The following GMDS variants were observed in gnomAD, a reference collection of about 807,000 sequenced individuals.
GMDS encodes GDP-mannose 4,6 dehydratase.
GMDS carries 20 observed loss-of-function variants against 49.9 expected under a neutral mutation model. That is an observed-to-expected ratio of 0.40 (90% CI 0.28 to 0.58). GMDS has a LOEUF of 0.58. GMDS is among the 20% of genes least tolerant of loss of function. GMDS has a pLI of 0.42. For synonymous variants in GMDS, 177 were observed against 178.6 expected (o/e 0.99, Z 0.07); for missense variants, 362 against 481.4 (o/e 0.75, Z 2.32).
At chr6:1,694,616 C>T (rs1000357929) in intron 9 of GMDS, among the ~76,000 whole-genome samples, 5 of 152,202 alleles carry the variant, frequency 3.3e-5, no homozygotes, top group African/African-American at 1.2e-4. Flanking sequence ...CGTCTGCACA[C>T]ATGTATATGC....
intron 4 of GMDS, among the ~76,000 whole-genome samples, chr6:2,048,021 A>T (rs562478853): frequency 6.6e-6 from 1 of 152,308 alleles, no homozygotes; most frequent in East Asian, 1.9e-4. Context: ...AGCACTAAAA[A>T]ATGTATGGTG....
chr6:2,207,629 G>C (rs1343783381), intron 1 of GMDS, among the ~76,000 whole-genome samples: 1 of 151,910 alleles, frequency 6.6e-6, no homozygotes, highest in East Asian at 1.9e-4. Context: ...TTCCTAGGAC[G>C]GTTTTGTTCC....
chr6:2,201,236 T>C (rs1484474729), intron 1 of GMDS, among the ~76,000 whole-genome samples: 1 of 115,314 alleles, frequency 8.7e-6, no homozygotes, highest in African/African-American at 3.4e-5. Context: ...GTAACAACCA[T>C]CTAGGCAGTG....
rs115480267 is a variant in GMDS, at chr6:1,833,336, T to A, written c.772-90750A>T. Among the ~76,000 whole-genome samples the A allele has an allele frequency of 7.5e-3, 1,144 of 151,716 alleles. 14 individuals carry two copies. Among genetic ancestry groups the A allele is most frequent in the African/African-American group, 0.025 (1,036 of 41,344 alleles). On this transcript the variant is annotated intron_variant, in intron 7 of 10. Transcript: ENST00000380815. The surrounding 1 kb of genome is among the most constrained non-coding windows in gnomAD (Gnocchi z 4.4). ...ATCAAATGTCCTCCCTTCCTTCATA[T>A]GGAAAGCTCATCTCGGAGGTGTCAG...
intron 9 of GMDS, among the ~76,000 whole-genome samples, chr6:1,674,560 CTTTTTTT>C (rs869292549): frequency 5.1e-3 from 371 of 73,442 alleles, no homozygotes; most frequent in African/African-American, 0.022. Context: ...CTCTCTCTCT[CTTTTTTT>C]TTTTTTTTTT....
At chr6:2,244,469 A>G (rs1399324302) in intron 1 of GMDS, among the ~76,000 whole-genome samples, 1 of 152,098 alleles carries the variant, frequency 6.6e-6, no homozygotes, top group East Asian at 1.9e-4. Flanking sequence ...TTCTACAGCA[A>G]TATGTGGGCA....
intron 4 of GMDS, among the ~76,000 whole-genome samples, chr6:2,053,628 G>A (rs1770598286): frequency 6.6e-6 from 1 of 151,966 alleles, no homozygotes; most frequent in Admixed American, 6.6e-5. Flanking sequence ...TGAGAAAATT[G>A]TAGAAGAGTG....
At chr6:1,630,611 A>G (rs920998816) in intron 9 of GMDS, among the ~76,000 whole-genome samples, 1 of 152,238 alleles carries the variant, frequency 6.6e-6, no homozygotes. Context: ...GCCTACTCAT[A>G]GGTAGGTGTC....
At chr6:2,170,745 C>A (rs887534701) in intron 1 of GMDS, among the ~76,000 whole-genome samples, 1 of 152,112 alleles carries the variant, frequency 6.6e-6, no homozygotes, top group Admixed American at 6.5e-5. Context: ...CCTGTAATCC[C>A]AGCACTTTGG....
chr6:1,909,134 C>T (rs1394695283), intron 7 of GMDS, among the ~76,000 whole-genome samples: 2 of 152,162 alleles, frequency 1.3e-5, no homozygotes, highest in African/African-American at 2.4e-5. Context: ...GCATATCATA[C>T]ATCTTGATGA....
At chr6:1,821,870 G>A (rs1361063279) in intron 7 of GMDS, among the ~76,000 whole-genome samples, 3 of 151,954 alleles carry the variant, frequency 2.0e-5, no homozygotes. Context: ...CGCCAATTCT[G>A]CATGCACATC....
Position 2,220,139 on chromosome 6 carries a change from A to AG in GMDS, c.102+25181dup, listed in dbSNP as rs558600078. ...TGTAAGACAAAAATCATGGCTAATG[A>AG]GGCAGATGACTCCGGAGGAAACATC... On this transcript the variant is annotated intron_variant, in intron 1 of 10. Transcript: ENST00000380815. Among the ~76,000 whole-genome samples the AG allele has an allele frequency of 2.0e-3, 301 of 152,382 alleles. 2 individuals are homozygous for AG. Among genetic ancestry groups the AG allele is most frequent in the African/African-American group, 7.0e-3 (290 of 41,584 alleles).
intron 1 of GMDS, among the ~76,000 whole-genome samples, chr6:2,197,725 C>A (rs943259649): frequency 4.6e-5 from 7 of 152,140 alleles, no homozygotes; most frequent in Non-Finnish European, 1.0e-4. Flanking sequence ...ATTTTCCACA[C>A]TTCCTAATTC....
At chr6:2,205,251 A>G (rs1218400645) in intron 1 of GMDS, among the ~76,000 whole-genome samples, 1 of 152,182 alleles carries the variant, frequency 6.6e-6, no homozygotes, top group African/African-American at 2.4e-5. Context: ...CCAGAGCTGT[A>G]TGTTCTTTGC....
intron 1 of GMDS, among the ~76,000 whole-genome samples, chr6:2,244,439 G>A (rs2127604748): frequency 6.6e-6 from 1 of 151,996 alleles, no homozygotes; most frequent in Middle Eastern, 3.4e-3. Flanking sequence ...AGATACCCAG[G>A]AGCACACACA....
At chr6:2,149,143 C>T (rs534982228) in intron 1 of GMDS, among the ~76,000 whole-genome samples, 177 of 151,940 alleles carry the variant, frequency 1.2e-3, no homozygotes, top group African/African-American at 3.9e-3. Context: ...AAGTTATCCC[C>T]GACAATTTAA....
At chr6:2,136,031 C>T (rs1170326140) in intron 1 of GMDS, among the ~76,000 whole-genome samples, 1 of 152,120 alleles carries the variant, frequency 6.6e-6, no homozygotes, top group East Asian at 1.9e-4. Context: ...GCCTAGGTTG[C>T]AACCTGTACA....
intron 7 of GMDS, among the ~76,000 whole-genome samples, chr6:1,749,241 C>G (rs1052828730): frequency 6.6e-6 from 1 of 152,302 alleles, no homozygotes; most frequent in East Asian, 1.9e-4. Context: ...TGCCTTTACC[C>G]CAGATCACAA....
chr6:2,082,204 AC>A (rs1196209382), intron 4 of GMDS, among the ~76,000 whole-genome samples: 1 of 152,158 alleles, frequency 6.6e-6, no homozygotes, highest in Non-Finnish European at 1.5e-5. Context: ...ACACACTCAA[AC>A]AAAATCCATG....
Sources: allele counts gnomAD v4.1 joint callset (sites outside exome capture counted in the v4.1 genomes callset), GRCh38; gene constraint gnomAD v4.1.1; non-coding constraint Gnocchi (gnomAD v3.1); transcripts MANE v1.5; gene names NCBI Gene and HGNC (gene_info 2026-07-23, HGNC 2026-07-21).